Variants in SETD2 observed in about 807,000 individuals in gnomAD.
SETD2 encodes histone-lysine N-methyltransferase SETD2.
Under a neutral mutation model 242.1 loss-of-function variants are expected in SETD2, and 31 were observed. That is an observed-to-expected ratio of 0.13 (90% CI 0.10 to 0.17). The LOEUF (loss-of-function observed/expected upper bound fraction) is 0.17. Ranked by LOEUF, SETD2 falls within the 10% of genes least tolerant of loss-of-function variation. The pLI is 1.00. For missense variants in SETD2, 2,481 were observed against 3,046.3 expected (o/e 0.81, Z 4.37); for synonymous variants, 1,006 against 1,066.5 (o/e 0.94, Z 1.11).
chr3:47,153,516 G>A (rs1257717082), intron 1 of SETD2, among the ~76,000 whole-genome samples: 1 of 152,292 alleles, frequency 6.6e-6, no homozygotes, highest in Admixed American at 6.5e-5. Context: ...TTGGGAGGCC[G>A]AGGTGGGAGG....
intron 1 of SETD2, among the ~76,000 whole-genome samples, chr3:47,161,666 T>C (rs1425130753): frequency 6.6e-6 from 1 of 152,210 alleles, no homozygotes; most frequent in Admixed American, 6.5e-5. Context: ...CCTGGCACAA[T>C]GGCTCATGCC....
chr3:47,084,425 A>AT, intron 11 of SETD2, 43 bp from the exon 12 acceptor site: 2 of 1,220,126 alleles, frequency 1.6e-6, no homozygotes, highest in Non-Finnish European at 2.2e-6. Flanking sequence ...TGTACAGTTG[A>AT]CTTTTTTTTT....
intron 18 of SETD2, among the ~76,000 whole-genome samples, chr3:47,037,115 A>AT (rs974686476): frequency 1.7e-5 from 1 of 57,654 alleles, no homozygotes; most frequent in African/African-American, 6.6e-5. Flanking sequence ...TAATGGGATT[A>AT]TTTTTTATAT....
chr3:47,086,333 G>A lies in SETD2; in HGVS notation c.5278-19C>T, dbSNP rs2041556475. The stretch of plus-strand genomic sequence containing the variant: ...GTGTGTTCTTTCATGGGGGAAGGGA[G>A]ACACGATGCAGAGCATTGGGAGGCA... On this transcript the variant is annotated intron_variant, in intron 10 of 20. Coordinates refer to ENST00000409792, the MANE Select transcript of SETD2 (RefSeq NM_014159.7). The A allele has an allele frequency of 1.2e-6, 2 of 1,609,042 alleles. No individual in the cohort carries two copies. The highest frequency in any genetic ancestry group is 1.7e-6 in the Non-Finnish European group (2 of 1,176,608).
At chr3:47,027,336 C>CAA (rs145911577) in intron 18 of SETD2, among the ~76,000 whole-genome samples, 9,070 of 101,008 alleles carry the variant, frequency 0.09, 991 homozygotes, top group East Asian at 0.13. Flanking sequence ...GACTCCATCT[C>CAA]AAAAAAAAAA....
Position 47,120,681 on chromosome 3 carries a change from C to A in SETD2, c.3955G>T (p.Val1319Leu), listed in dbSNP as rs200956000. The A allele has an allele frequency of 1.9e-6, 3 of 1,614,176 alleles. No individual in the cohort carries two copies. The highest frequency in any genetic ancestry group is 1.7e-6 in the Non-Finnish European group (2 of 1,180,038). The change falls in exon 3 of 21, where the codon GTG (valine) becomes TTG (leucine). Residue 1319 changes from valine (V) to leucine (L), a missense_variant. Around this residue, in one of 17 missense-constraint regions of SETD2, gnomAD observed 1,300 missense variants for 1,259.2 expected, o/e 1.03. Transcript: ENST00000409792. Reference sequence around the variant, plus strand: ...ACTTGTCCTTGAGTTCGATCATACACAACCCCAGTTCCAGGAGGTCTACCT... The same window carrying A: ...ACTTGTCCTTGAGTTCGATCATACAAAACCCCAGTTCCAGGAGGTCTACCT... ...RSGRPPGTGV[V>L]YDRTQGQVPD...
At chr3:47,131,937 C>T (rs2043487080) in intron 1 of SETD2, among the ~76,000 whole-genome samples, 1 of 151,630 alleles carries the variant, frequency 6.6e-6, no homozygotes, top group Admixed American at 6.6e-5. Flanking sequence ...GCCACCGTGC[C>T]CAGCTAATTT....
At chr3:47,135,150 A>T (rs543670510) in intron 1 of SETD2, among the ~76,000 whole-genome samples, 1 of 152,334 alleles carries the variant, frequency 6.6e-6, no homozygotes, top group Non-Finnish European at 1.5e-5. Context: ...GGTAACAAAT[A>T]ATAATTGCCA....
intron 18 of SETD2, 36 bp from the exon 19 acceptor site, chr3:47,019,876 T>A (rs943328319): frequency 5.1e-6 from 8 of 1,574,820 alleles, no homozygotes; most frequent in Non-Finnish European, 7.0e-6. Flanking sequence ...GGTGCTGGCA[T>A]GAGAAGTCAG....
intron 3 of SETD2, among the ~76,000 whole-genome samples, chr3:47,117,359 T>C (rs991002281): frequency 5.3e-5 from 8 of 151,724 alleles, no homozygotes; most frequent in Non-Finnish European, 4.4e-5. Flanking sequence ...AGACTACTCA[T>C]TCTGGAACTC....
At chr3:47,136,878 C>G (rs553544219) in intron 1 of SETD2, among the ~76,000 whole-genome samples, 12 of 152,148 alleles carry the variant, frequency 7.9e-5, no homozygotes, top group Middle Eastern at 6.8e-3. Flanking sequence ...CACTTGAACC[C>G]GGGAGGCAGA....
At chr3:47,145,391 TTTTG>T (rs1302160576) in intron 1 of SETD2, 2 of 257,988 alleles carry the variant, frequency 7.8e-6, no homozygotes, top group East Asian at 1.8e-4. Flanking sequence ...TATGCCTGTG[TTTTG>T]TTTTTGTTTT....
chr3:47,026,258 C>T (rs951091031), intron 18 of SETD2, among the ~76,000 whole-genome samples: 1 of 152,144 alleles, frequency 6.6e-6, no homozygotes, highest in Admixed American at 6.5e-5. Flanking sequence ...CAATGAGATA[C>T]CATCTCACGC....
At chr3:47,020,774 G>A (rs2038182389) in intron 18 of SETD2, among the ~76,000 whole-genome samples, 1 of 152,026 alleles carries the variant, frequency 6.6e-6, no homozygotes, top group African/African-American at 2.4e-5. Flanking sequence ...TTTTTGTTAG[G>A]GGCACAGGGT....
rs761473538 is a variant in SETD2 at position 47,084,305 on chromosome 3, T to G, written c.5475A>C (p.Gln1825His). The G allele has an allele frequency of 1.2e-5, 20 of 1,614,110 alleles. No homozygotes were observed. Among genetic ancestry groups the G allele is most frequent in the Non-Finnish European group, 1.7e-5 (20 of 1,179,970 alleles). Reference protein sequence around the residue: ...LEESKVLPIIQRWSQTKTAVP... With the variant: ...LEESKVLPIIHRWSQTKTAVP... ...CAGCAGTCTTAGTCTGAGACCAGCG[T>G]TGAATAATTGGAAGTACTTTGCTTT... Residue 1825 changes from glutamine to histidine, a missense_variant, in exon 12 of 21, where the codon CAA becomes CAC. Around this residue, in one of 17 missense-constraint regions of SETD2, gnomAD observed 203 missense variants for 222.4 expected, o/e 0.91. Coordinates refer to ENST00000409792, the MANE Select transcript of SETD2 (RefSeq NM_014159.7).
intron 6 of SETD2, among the ~76,000 whole-genome samples, chr3:47,104,263 C>T (rs1396605253): frequency 2.0e-5 from 3 of 151,840 alleles, no homozygotes; most frequent in Admixed American, 1.3e-4. Context: ...TTTCCAAGGC[C>T]AGGCACAGTG....
intron 8 of SETD2, among the ~76,000 whole-genome samples, chr3:47,098,704 G>A (rs537349181): frequency 2.0e-5 from 3 of 152,092 alleles, no homozygotes; most frequent in Non-Finnish European, 4.4e-5. Flanking sequence ...GCTGAGGCAT[G>A]AGAATTGTTT....
chr3:47,163,839 G>T lies in SETD2; in HGVS notation c.71+15C>A. 1 of 1,279,246 alleles carries T rather than the reference G, an allele frequency of 7.8e-7. No homozygotes were observed. The allele number at this position is 1,279,246 out of a possible 1,614,324, so 79.2% of individuals were successfully genotyped here. ...GCGGCCGACAGCAGCGGGGGGCCGC[G>T]GAGCTGATACTTACTCAGGGGTCGG... On this transcript the variant is annotated intron_variant, in intron 1 of 20. Coordinates refer to ENST00000409792, the MANE Select transcript of SETD2 (RefSeq NM_014159.7).
At position 47,022,119 on chromosome 3, in the gene SETD2, C is replaced by A. The variant is rs778867450; in HGVS notation, c.7351-2279G>T. On this transcript the variant is annotated intron_variant, in intron 18 of 20. Coordinates refer to ENST00000409792, the MANE Select transcript of SETD2 (RefSeq NM_014159.7). Reference sequence around the variant, plus strand: ...CTGAGGCAGGAGAATCGTTTGAACCCGGGAGAGGTGGAGGTTGCAGTGAGC... The same window carrying A: ...CTGAGGCAGGAGAATCGTTTGAACCAGGGAGAGGTGGAGGTTGCAGTGAGC... 2.6e-5 allele frequency among the ~76,000 whole-genome samples: 4 copies of A among 151,326 alleles called. No homozygotes were observed. In the South Asian group the frequency reaches 6.3e-4, roughly 24 times the overall value.
Sources: allele counts gnomAD v4.1 joint callset (sites outside exome capture counted in the v4.1 genomes callset), GRCh38; gene constraint gnomAD v4.1.1; regional missense constraint gnomAD v4.1.1; transcripts MANE v1.5; gene names NCBI Gene and HGNC (gene_info 2026-07-23, HGNC 2026-07-21).